The following SUGCT variants were observed in gnomAD, a reference collection of about 807,000 sequenced individuals.
SUGCT encodes the protein succinyl-CoA:glutarate CoA-transferase.
Under a neutral mutation model 55.0 loss-of-function variants are expected in SUGCT, and 41 were observed. The observed-to-expected ratio is 0.74, with a 90% confidence interval of 0.58 to 0.97. The LOEUF is 0.97. Among genes scored for constraint, SUGCT ranks in the 50% least tolerant of loss-of-function variants. The probability of loss-of-function intolerance (pLI) is 0.00; values close to 1 mark genes in which losing one functional copy is unlikely to be tolerated. For synonymous variants in SUGCT, 187 were observed against 200.4 expected (o/e 0.93, Z 0.56); for missense variants, 568 against 547.8 (o/e 1.04, Z -0.37).
At chr7:40,901,634 A>C in the SUGCT span, among the ~76,000 whole-genome samples, 1 of 152,150 alleles carries the variant, frequency 6.6e-6, no homozygotes, top group Non-Finnish European at 1.5e-5. Context: ...GTCCACGTTA[A>C]CCTTGTGGCT....
chr7:40,304,996 G>A (rs770121439), intron 8 of SUGCT, among the ~76,000 whole-genome samples: 10 of 152,176 alleles, frequency 6.6e-5, no homozygotes, highest in Non-Finnish European at 1.3e-4. Context: ...GCATCATCAT[G>A]CACTCAATTT....
chr7:40,398,463 G>T (rs142664708), intron 9 of SUGCT, among the ~76,000 whole-genome samples: 67 of 150,760 alleles, frequency 4.4e-4, no homozygotes, highest in African/African-American at 1.5e-3. Flanking sequence ...GCCCCAGTAG[G>T]ATTGCATCTC....
At chr7:40,196,127 C>G (rs1015889481) in intron 6 of SUGCT, among the ~76,000 whole-genome samples, 1 of 152,128 alleles carries the variant, frequency 6.6e-6, no homozygotes, top group Non-Finnish European at 1.5e-5. Context: ...TAAAGTCTTC[C>G]AATTGTTCAG....
chr7:40,739,087 T>A (rs893640833), intron 12 of SUGCT, among the ~76,000 whole-genome samples: 2 of 152,158 alleles, frequency 1.3e-5, no homozygotes, highest in Non-Finnish European at 2.9e-5. Context: ...TACAGAGAGA[T>A]CCCATGTAGC....
At chr7:40,335,192 C>G (rs1796611122) in intron 9 of SUGCT, among the ~76,000 whole-genome samples, 1 of 152,118 alleles carries the variant, frequency 6.6e-6, no homozygotes, top group Non-Finnish European at 1.5e-5. Context: ...AGCATGATGC[C>G]TCTAGCTTTG....
At chr7:40,141,559 AG>A (rs376581722) in intron 1 of SUGCT, among the ~76,000 whole-genome samples, 5 of 150,980 alleles carry the variant, frequency 3.3e-5, no homozygotes, top group African/African-American at 4.9e-5. Context: ...GCTTGAACCC[AG>A]GAGTGGGAGG....
chr7:40,577,285 CTCTGAG>C lies in SUGCT; in HGVS notation c.1089+80901_1089+80906del, dbSNP rs201297165. The stretch of plus-strand genomic sequence containing the variant: ...AGCTGCTAAAACTCATGCATGTCTA[CTCTGAG>C]TGGAGGAGAGAGGGAAGGAAGATTG... On this transcript the variant is annotated intron_variant, in intron 12 of 13. Coordinates refer to ENST00000335693, the MANE Select transcript of SUGCT (RefSeq NM_001193313.2). Among the ~76,000 whole-genome samples the C allele has an allele frequency of 5.4e-3, 828 of 152,224 alleles. 28 individuals carry two copies. The highest frequency in any genetic ancestry group is 0.049 in the Admixed American group (751 of 15,282).
chr7:40,819,009 T>G (rs1371563858), intron 13 of SUGCT, among the ~76,000 whole-genome samples: 1 of 149,610 alleles, frequency 6.7e-6, no homozygotes, highest in Non-Finnish European at 1.5e-5. Context: ...ACATGTGGTG[T>G]TTGGTTTTCT....
intron 11 of SUGCT, among the ~76,000 whole-genome samples, chr7:40,468,844 T>C (rs920831632): frequency 4.6e-5 from 7 of 152,194 alleles, no homozygotes; most frequent in African/African-American, 1.4e-4. Context: ...TGCCTCAGTT[T>C]AGATTTTAAT....
intron 12 of SUGCT, among the ~76,000 whole-genome samples, chr7:40,743,094 T>C (rs373222523): frequency 2.0e-4 from 30 of 152,204 alleles, no homozygotes; most frequent in Non-Finnish European, 4.4e-5. Context: ...ATGACCATTG[T>C]CCATGCAGAG....
At chr7:40,249,313 C>CTATATATATATA (rs57348487) in intron 7 of SUGCT, among the ~76,000 whole-genome samples, 2,906 of 78,772 alleles carry the variant, frequency 0.037, 51 homozygotes, top group East Asian at 0.059. Context: ...CACCAAAAAG[C>CTATATATATATA]TATATATATA....
intron 12 of SUGCT, among the ~76,000 whole-genome samples, chr7:40,634,100 G>C (rs1799916615): frequency 6.6e-6 from 1 of 152,064 alleles, no homozygotes; most frequent in Non-Finnish European, 1.5e-5. Context: ...AAAGCAGGGA[G>C]TGCCTCTCCA....
chr7:40,787,769 C>A (rs1367657853), intron 13 of SUGCT, among the ~76,000 whole-genome samples: 1 of 151,644 alleles, frequency 6.6e-6, no homozygotes, highest in Non-Finnish European at 1.5e-5. Flanking sequence ...ACAGTAACCT[C>A]CCTACTTCAG....
the SUGCT span, among the ~76,000 whole-genome samples, chr7:40,910,614 C>A: frequency 6.6e-6 from 1 of 152,248 alleles, no homozygotes; most frequent in South Asian, 2.1e-4. Context: ...CCAGTGACCG[C>A]TCTGACAGTG....
chr7:40,938,855 C>A, the SUGCT span, among the ~76,000 whole-genome samples: 4 of 152,132 alleles, frequency 2.6e-5, no homozygotes, highest in African/African-American at 9.6e-5. Context: ...TTATTTCATT[C>A]TTTTTTATGG....
chr7:40,770,535 A>G lies in SUGCT; in HGVS notation c.1153+21038A>G, dbSNP rs113648106. ...AAAAAGGAACAAAGAGCATACCCCA[A>G]CTATTTCGGGAGAAGGTTCCTGGAA... On this transcript the variant is annotated intron_variant, in intron 13 of 13. Transcript: ENST00000335693. 3.9e-5 allele frequency among the ~76,000 whole-genome samples: 6 copies of G among 152,228 alleles called. No homozygotes were observed. In the East Asian group the frequency reaches 5.8e-4, roughly 15 times the overall value.
the SUGCT span, among the ~76,000 whole-genome samples, chr7:40,872,025 A>G: frequency 6.6e-6 from 1 of 151,532 alleles, no homozygotes; most frequent in East Asian, 1.9e-4. Context: ...CATGGAGGGG[A>G]GTGTGGGGGG....
chr7:40,148,779 C>T (rs73312925), intron 1 of SUGCT, among the ~76,000 whole-genome samples: 5,242 of 152,102 alleles, frequency 0.034, 304 homozygotes, highest in African/African-American at 0.12. Context: ...TTATGGGAAC[C>T]GGGAGAGAAG....
At chr7:40,508,592 G>A (rs1792744006) in intron 12 of SUGCT, among the ~76,000 whole-genome samples, 1 of 152,074 alleles carries the variant, frequency 6.6e-6, no homozygotes, top group Non-Finnish European at 1.5e-5. Flanking sequence ...AATGGAATAA[G>A]CCATGGCTCA....
Sources: gnomAD v4.1 joint callset for allele counts (sites outside exome capture counted in the v4.1 genomes callset) on GRCh38, gnomAD v4.1.1 for gene constraint, MANE v1.5 for transcripts, NCBI Gene and HGNC (gene_info 2026-07-23, HGNC 2026-07-21) for gene names.